The following PCDH15 variants were observed in gnomAD, a reference collection of about 807,000 sequenced individuals.
PCDH15 encodes protocadherin-15.
Under a neutral mutation model 178.5 loss-of-function variants are expected in PCDH15, and 129 were observed. The ratio of observed to expected loss-of-function variants is 0.72; its 90% CI spans 0.63 to 0.84. PCDH15 has a LOEUF of 0.84. Ranked by LOEUF, PCDH15 falls within the 40% of genes least tolerant of loss-of-function variation. PCDH15 has a pLI of 0.00. For missense variants in PCDH15, 2,230 were observed against 2,099.9 expected (o/e 1.06, Z -1.21); for synonymous variants, 800 against 732.0 (o/e 1.09, Z -1.50).
intron 14 of PCDH15, among the ~76,000 whole-genome samples, chr10:54,144,794 AT>A (rs148915821): frequency 0.015 from 2,349 of 152,270 alleles, 76 homozygotes; most frequent in African/African-American, 0.054. Flanking sequence ...ACAAAAGAGG[AT>A]TTTAAAAATG....
At chr10:54,925,053 T>C (rs547621800) in intron 2 of PCDH15, among the ~76,000 whole-genome samples, 1 of 152,340 alleles carries the variant, frequency 6.6e-6, no homozygotes, top group East Asian at 1.9e-4. Flanking sequence ...GCCAAGGTTG[T>C]CTTCTAGGCT....
intron 2 of PCDH15, among the ~76,000 whole-genome samples, chr10:54,914,618 A>G (rs933353203): frequency 3.3e-5 from 5 of 152,176 alleles, no homozygotes; most frequent in Non-Finnish European, 7.4e-5. Context: ...CACTCTGGAC[A>G]CTAAGCAATG....
At position 54,153,642 on chromosome 10, in the gene PCDH15, G is replaced by A. The variant is rs572083408; in HGVS notation, c.1591-349C>T. Among the ~76,000 whole-genome samples the A allele has an allele frequency of 2.0e-5, 3 of 152,150 alleles. No homozygotes were observed. The South Asian group carries it at 6.2e-4, about 32-fold the overall frequency. On this transcript the variant is annotated intron_variant, in intron 13 of 37. Transcript: ENST00000644397. ...ATAGGAAATTTATTTTTCCTGTCTT[G>A]CCTTGCATTCTTGACACATAAACTC...
At chr10:54,594,301 T>C (rs1196673652) in intron 2 of PCDH15, among the ~76,000 whole-genome samples, 1 of 152,002 alleles carries the variant, frequency 6.6e-6, no homozygotes, top group Admixed American at 6.6e-5. Context: ...GGGATGCCCA[T>C]CCCCCTAGGC....
intron 2 of PCDH15, among the ~76,000 whole-genome samples, chr10:54,584,572 T>C (rs909575712): frequency 6.6e-6 from 1 of 152,158 alleles, no homozygotes. Context: ...TATTTTCATA[T>C]CTTCTTTCTT....
At chr10:55,444,617 A>G (rs1297199278) in intron 2 of PCDH15, among the ~76,000 whole-genome samples, 2 of 152,174 alleles carry the variant, frequency 1.3e-5, no homozygotes, top group Non-Finnish European at 2.9e-5. Flanking sequence ...GTAATAAAGT[A>G]AAACAAAGAA....
At chr10:54,727,185 T>C (rs1233199389) in intron 1 of PCDH15, among the ~76,000 whole-genome samples, 2 of 150,266 alleles carry the variant, frequency 1.3e-5, no homozygotes, top group Non-Finnish European at 3.0e-5. Flanking sequence ...ATCAACCAGA[T>C]GATTTTCCAT....
intron 2 of PCDH15, among the ~76,000 whole-genome samples, chr10:55,022,951 TA>T (rs771629327): frequency 6.6e-6 from 1 of 151,482 alleles, no homozygotes; most frequent in South Asian, 2.1e-4. Context: ...TTTATATACA[TA>T]TTTTTTTGAT....
chr10:54,467,616 T>TTTTTTTTTTTTTG (rs2077614488), intron 3 of PCDH15, among the ~76,000 whole-genome samples: 1 of 147,842 alleles, frequency 6.8e-6, no homozygotes, highest in African/African-American at 2.5e-5. Context: ...TTTTTTTTTT[T>TTTTTTTTTTTTTG]TTTTTTTTTT....
chr10:54,898,438 C>T (rs1049533819), intron 2 of PCDH15, among the ~76,000 whole-genome samples: 1 of 151,932 alleles, frequency 6.6e-6, no homozygotes, highest in Non-Finnish European at 1.5e-5. Flanking sequence ...GACAAGATAT[C>T]TAAGTTAATA....
At chr10:55,167,632 CAT>C (rs1341225188) in intron 1 of PCDH15, among the ~76,000 whole-genome samples, 2 of 152,058 alleles carry the variant, frequency 1.3e-5, no homozygotes, top group Non-Finnish European at 2.9e-5. Context: ...AGTTAGAGAA[CAT>C]GTCTCAATTA....
intron 1 of PCDH15, among the ~76,000 whole-genome samples, chr10:54,671,215 C>T (rs1299550816): frequency 6.6e-6 from 1 of 152,008 alleles, no homozygotes; most frequent in East Asian, 1.9e-4. Context: ...AAAAAAGAAG[C>T]TTGAAAGAGA....
intron 1 of PCDH15, among the ~76,000 whole-genome samples, chr10:54,781,399 G>C (rs923924889): frequency 6.6e-6 from 1 of 152,050 alleles, no homozygotes; most frequent in African/African-American, 2.4e-5. Context: ...CATCTATGTA[G>C]ACATTGTCAA....
chr10:55,355,971 C>G (rs902889497), intron 2 of PCDH15, among the ~76,000 whole-genome samples: 1 of 151,806 alleles, frequency 6.6e-6, no homozygotes, highest in African/African-American at 2.4e-5. Flanking sequence ...GCTACTTTAT[C>G]GAACATCACA....
chr10:54,477,681 T>G (rs1481605803), intron 3 of PCDH15, among the ~76,000 whole-genome samples: 1 of 152,198 alleles, frequency 6.6e-6, no homozygotes, highest in Non-Finnish European at 1.5e-5. Context: ...ACTGCAGCCT[T>G]CGACTTCTGG....
intron 2 of PCDH15, among the ~76,000 whole-genome samples, chr10:55,434,234 A>AT (rs957303932): frequency 5.2e-4 from 77 of 149,184 alleles, no homozygotes; most frequent in African/African-American, 1.2e-3. Flanking sequence ...CGCCCAGCTA[A>AT]TTTTTTTTTG....
intron 2 of PCDH15, among the ~76,000 whole-genome samples, chr10:54,659,473 C>A (rs1487689285): frequency 6.6e-6 from 1 of 152,044 alleles, no homozygotes; most frequent in Non-Finnish European, 1.5e-5. Context: ...TATATATCAG[C>A]CGGGTGCAGT....
intron 5 of PCDH15, among the ~76,000 whole-genome samples, chr10:54,361,344 T>C (rs1406386209): frequency 2.0e-5 from 3 of 152,090 alleles, no homozygotes; most frequent in Non-Finnish European, 4.4e-5. Flanking sequence ...AAAATAGGTG[T>C]ATTTTACTTT....
chr10:55,221,854 T>G (rs1277790913), intron 1 of PCDH15, among the ~76,000 whole-genome samples: 1 of 151,698 alleles, frequency 6.6e-6, no homozygotes, highest in African/African-American at 2.4e-5. Context: ...TTTCTATAAT[T>G]TATTTATTTT....
Sources: gnomAD v4.1 joint callset for allele counts (sites outside exome capture counted in the v4.1 genomes callset) on GRCh38, gnomAD v4.1.1 for gene constraint, MANE v1.5 for transcripts, NCBI Gene and HGNC (gene_info 2026-07-23, HGNC 2026-07-21) for gene names.